Variants in GABRG2 observed in about 807,000 individuals in gnomAD.
GABRG2 encodes gamma-aminobutyric acid receptor subunit gamma-2.
GABRG2 carries 16 observed loss-of-function variants against 56.4 expected under a neutral mutation model. The ratio of observed to expected loss-of-function variants is 0.28; its 90% CI spans 0.19 to 0.43. GABRG2 has a LOEUF of 0.43. Among genes scored for constraint, GABRG2 ranks in the 20% least tolerant of loss-of-function variants. The probability of loss-of-function intolerance (pLI) is 1.00; values close to 1 mark genes in which losing one functional copy is unlikely to be tolerated. For synonymous variants in GABRG2, 208 were observed against 205.5 expected, an observed-to-expected ratio of 1.01 and a Z score of -0.10; for missense variants, 327 against 582.7, an observed-to-expected ratio of 0.56 and a Z score of 4.52.
At chr5:162,072,856 G>A (rs1263052225) in intron 1 of GABRG2, among the ~76,000 whole-genome samples, 3 of 151,788 alleles carry the variant, frequency 2.0e-5, no homozygotes, top group Non-Finnish European at 4.4e-5. Context: ...TATGAATGTG[G>A]ATATAAGTAA....
chr5:162,095,450 C>A (rs966382776), intron 2 of GABRG2, 45 bp from the exon 3 acceptor site: 1 of 1,130,846 alleles, frequency 8.8e-7, no homozygotes, highest in Non-Finnish European at 1.3e-6. Context: ...ACATTAAAAT[C>A]TTGCACCTCT....
chr5:162,091,341 T>C (rs913625000), intron 1 of GABRG2, among the ~76,000 whole-genome samples: 5 of 152,022 alleles, frequency 3.3e-5, no homozygotes, highest in Non-Finnish European at 7.4e-5. Context: ...ATTGATTAAT[T>C]AATAATATAA....
intron 1 of GABRG2, among the ~76,000 whole-genome samples, chr5:162,086,573 A>G (rs1216867781): frequency 6.6e-6 from 1 of 152,012 alleles, no homozygotes; most frequent in Non-Finnish European, 1.5e-5. Context: ...ATGTCCCAGA[A>G]AACGTCTTCT....
At chr5:162,068,505 GCACACC>G (rs1758404015) in intron 1 of GABRG2, among the ~76,000 whole-genome samples, 1 of 147,980 alleles carries the variant, frequency 6.8e-6, no homozygotes, top group Admixed American at 6.7e-5. Context: ...GGGTCCTGGC[GCACACC>G]GGAGAGATAT....
At position 162,155,469 on chromosome 5, in the gene GABRG2, A is replaced by T. The variant is rs1050985362; in HGVS notation, c.*2101A>T. ...TGTCTATGTATTTGGAAACCTTTTC[A>T]CAAAGGGAATTGCCTAACATGTGGA... On this transcript the variant is annotated 3_prime_UTR_variant, in exon 10 of 10. Transcript: ENST00000639213. The T allele has an allele frequency of 6.8e-6, 1 of 147,800 alleles. No homozygotes were observed. The highest frequency in any genetic ancestry group is 1.5e-5 in the Non-Finnish European group (1 of 66,542). 9.2% of individuals were successfully genotyped at this position (147,800 alleles called of 1,614,324 possible).
intron 6 of GABRG2, among the ~76,000 whole-genome samples, chr5:162,109,020 G>A (rs1762042422): frequency 6.6e-6 from 1 of 152,040 alleles, no homozygotes; most frequent in African/African-American, 2.4e-5. Context: ...ACCCAGTAAT[G>A]GGATGGCTGG....
chr5:162,120,749 A>T (rs941547859), intron 6 of GABRG2, among the ~76,000 whole-genome samples: 2 of 152,104 alleles, frequency 1.3e-5, no homozygotes, highest in African/African-American at 4.8e-5. Context: ...AGATTAAAGT[A>T]TATGAAAATG....
At chr5:162,097,448 A>G (rs1761082092) in intron 3 of GABRG2, among the ~76,000 whole-genome samples, 190 bp from the exon 4 acceptor site, 1 of 152,308 alleles carries the variant, frequency 6.6e-6, no homozygotes, top group Non-Finnish European at 1.5e-5. Flanking sequence ...TCATAAAAGT[A>G]TCAAACATAG....
chr5:162,133,530 G>A (rs1340894235), intron 6 of GABRG2, among the ~76,000 whole-genome samples: 3 of 152,092 alleles, frequency 2.0e-5, no homozygotes, highest in African/African-American at 2.4e-5. Flanking sequence ...TGTCTCTTTC[G>A]ATGGATCAAA....
chr5:162,127,397 T>A (rs576375760), intron 6 of GABRG2, among the ~76,000 whole-genome samples: 1 of 151,964 alleles, frequency 6.6e-6, no homozygotes, highest in Non-Finnish European at 1.5e-5. Context: ...TCTAATCACC[T>A]ATATGGTATG....
intron 6 of GABRG2, 46 bp from the exon 7 acceptor site, chr5:162,142,118 A>G: frequency 2.5e-6 from 4 of 1,593,340 alleles, no homozygotes; most frequent in Non-Finnish European, 3.4e-6. Flanking sequence ...AATGTTTTCC[A>G]GTGATTGATA....
chr5:162,132,546 A>G (rs1581421138), intron 6 of GABRG2, among the ~76,000 whole-genome samples: 2 of 152,108 alleles, frequency 1.3e-5, no homozygotes, highest in Admixed American at 1.3e-4. Context: ...CTCTTACTCA[A>G]AGGAGCATAT....
intron 1 of GABRG2, among the ~76,000 whole-genome samples, chr5:162,085,535 T>G (rs932450040): frequency 2.0e-4 from 31 of 151,824 alleles, no homozygotes; most frequent in African/African-American, 7.5e-4. Flanking sequence ...TTTGTTTCTT[T>G]TTTTTTAGTA....
Position 162,109,424 on chromosome 5 carries a change from T to TA in GABRG2, c.769+5398_769+5399insA, listed in dbSNP as rs1581377391. On this transcript the variant is annotated intron_variant, in intron 6 of 9. Transcript: ENST00000639213. The stretch of plus-strand genomic sequence containing the variant: ...TATATATATATATATATATATATAT[T>TA]TATTTATATAAAATGAAAACATGAT... Among the ~76,000 whole-genome samples, 29 of 87,740 alleles carry TA rather than the reference T, an allele frequency of 3.3e-4. No individual in the cohort carries two copies. The East Asian group carries it at 7.2e-3, about 22-fold the overall frequency. The allele number at this position is 87,740 out of a possible 152,430, so 57.6% of individuals were successfully genotyped here.
In GABRG2 at chr5:162,142,155, C is replaced by T. The variant is rs766844183; in HGVS notation, c.770-9C>T. 4 of 1,613,864 alleles carry T rather than the reference C, an allele frequency of 2.5e-6. No individual in the cohort carries two copies. The highest frequency in any genetic ancestry group is 3.3e-5 in the Admixed American group (2 of 60,018). On this transcript the variant is annotated splice_polypyrimidine_tract_variant and intron_variant, in intron 6 of 9. Transcript: ENST00000639213. ...AGGGTTGTATGGTGTTATCTTTGGT[C>T]TGTTCCAGGAGATTATGTGGTCATG...
chr5:162,067,790 A>T lies in GABRG2; in HGVS notation c.-210A>T. On this transcript the variant is annotated 5_prime_UTR_variant, in exon 1 of 10. An upstream start codon of the reference 5' UTR is lost. Transcript: ENST00000639213. ...AAGCCGCTGCCAGAGTGACGCTTTG[A>T]TGGTATCTGCAAGCGTTTTTGCTGA... 1.6e-6 allele frequency: 1 copy of T among 613,422 alleles called. No individual in the cohort carries two copies. The highest frequency in any genetic ancestry group is 2.0e-5 in the South Asian group (1 of 50,500). The allele number at this position is 613,422 out of a possible 1,614,324, so 38.0% of individuals were successfully genotyped here. A position where few individuals can be genotyped will look rare whatever the true frequency, so the allele number is the denominator to read the frequency against.
At position 162,153,386 on chromosome 5, in the gene GABRG2, T is replaced by C. The variant is rs1765512674; in HGVS notation, c.*18T>C. 2 of 1,613,390 alleles carry C rather than the reference T, an allele frequency of 1.2e-6. No individual in the cohort carries two copies. The highest frequency in any genetic ancestry group is 8.5e-7 in the Non-Finnish European group (1 of 1,179,312). ...ACCTGTGAGGAGGTATGGGTTTTAC[T>C]GATATGGTTCTTATTCACTGAGTCT... On this transcript the variant is annotated 3_prime_UTR_variant, in exon 10 of 10. Coordinates refer to ENST00000639213, the MANE Select transcript of GABRG2 (RefSeq NM_198904.4).
chr5:162,115,691 G>C (rs1762567405), intron 6 of GABRG2, among the ~76,000 whole-genome samples: 1 of 152,066 alleles, frequency 6.6e-6, no homozygotes, highest in Non-Finnish European at 1.5e-5. Flanking sequence ...TCTTCAAACA[G>C]GAAGAAGATT....
chr5:162,149,737 C>T (rs915152805), intron 8 of GABRG2: 2 of 454,876 alleles, frequency 4.4e-6, no homozygotes, highest in Non-Finnish European at 8.7e-6. Flanking sequence ...CCTCAGCCCC[C>T]TGAGTAGCTG....
Sources: allele counts gnomAD v4.1 joint callset (sites outside exome capture counted in the v4.1 genomes callset), GRCh38; gene constraint gnomAD v4.1.1; transcripts MANE v1.5; gene names NCBI Gene and HGNC (gene_info 2026-07-23, HGNC 2026-07-21).